TNS3: variants seen among roughly 807,000 people sequenced by gnomAD.
TNS3 encodes the protein tensin-3.
TNS3 carries 45 observed loss-of-function variants against 140.9 expected under a neutral mutation model. The ratio of observed to expected loss-of-function variants is 0.32; its 90% CI spans 0.25 to 0.41. The LOEUF (loss-of-function observed/expected upper bound fraction) is 0.41. TNS3 is among the 10% of genes least tolerant of loss of function. The probability of loss-of-function intolerance (pLI) is 1.00; values close to 1 mark genes in which losing one functional copy is unlikely to be tolerated. For missense variants in TNS3, 1,716 were observed against 1,906.7 expected, an observed-to-expected ratio of 0.90 and a Z score of 1.86; for synonymous variants, 815 against 788.4, an observed-to-expected ratio of 1.03 and a Z score of -0.56.
intron 20 of TNS3, among the ~76,000 whole-genome samples, chr7:47,336,224 T>C (rs1470178250): frequency 6.7e-6 from 1 of 149,990 alleles, no homozygotes; most frequent in Non-Finnish European, 1.5e-5. Context: ...GAATTTCTAC[T>C]GTTTGGTGTG....
intron 16 of TNS3, among the ~76,000 whole-genome samples, chr7:47,391,845 T>C (rs1054761691): frequency 2.0e-5 from 3 of 152,062 alleles, no homozygotes; most frequent in Admixed American, 2.0e-4. Context: ...GGGCACCCAG[T>C]GAGACTCAGC....
rs781485760 is a variant in TNS3 at position 47,303,425 on chromosome 7, C to T, written c.2982G>A (p.Gln994=). Reference sequence around the variant, plus strand: ...ACAGCTCATGGCTGTGGAAAGGAGCCTGGAGCTCTGACGGCGGGAAGCAGG... The same window carrying T: ...ACAGCTCATGGCTGTGGAAAGGAGCTTGGAGCTCTGACGGCGGGAAGCAGG... ...VLSCFPPSEL[Q]APFHSHELSL... is the part of the protein sequence containing the mutation. The change falls in exon 22 of 31, where the codon CAG becomes CAA. Residue 994 remains glutamine, a synonymous_variant. Transcript: ENST00000311160. 1.9e-5 allele frequency: 31 copies of T among 1,613,720 alleles called. 1 individual carries two copies. The Middle Eastern group carries it at 1.2e-3, about 60-fold the overall frequency.
chr7:47,539,125 G>A, intron 1 of TNS3: 1 of 456,688 alleles, frequency 2.2e-6, no homozygotes, highest in South Asian at 1.5e-5. Flanking sequence ...GCAATGAACA[G>A]ATAGCCCCCA....
intron 2 of TNS3, among the ~76,000 whole-genome samples, chr7:47,521,156 C>T (rs1215793018): frequency 6.6e-6 from 1 of 152,196 alleles, no homozygotes; most frequent in East Asian, 1.9e-4. Context: ...CAGAACACAG[C>T]AGTTCCTCCA....
chr7:47,437,984 G>GA (rs1795273420), intron 6 of TNS3, among the ~76,000 whole-genome samples: 1 of 150,902 alleles, frequency 6.6e-6, no homozygotes, highest in African/African-American at 2.4e-5. Context: ...TAAGTTCACT[G>GA]AAAAATCACA....
At chr7:47,516,052 A>G (rs1798768020) in intron 2 of TNS3, among the ~76,000 whole-genome samples, 1 of 152,248 alleles carries the variant, frequency 6.6e-6, no homozygotes. Context: ...ATGCATGATG[A>G]CTTACATAAT....
chr7:47,519,260 C>T (rs182548849), intron 2 of TNS3, among the ~76,000 whole-genome samples: 1 of 138,280 alleles, frequency 7.2e-6, no homozygotes, highest in Non-Finnish European at 1.6e-5. Flanking sequence ...ATATCCCCCC[C>T]CAACACAAGG....
intron 15 of TNS3, 79 bp from the exon 16 acceptor site, chr7:47,396,983 G>A (rs1792873943): frequency 4.8e-6 from 5 of 1,045,732 alleles, no homozygotes; most frequent in Non-Finnish European, 7.5e-6. Flanking sequence ...ATAAGGACAG[G>A]TGAGCAGCCT....
intron 1 of TNS3, among the ~76,000 whole-genome samples, chr7:47,540,982 G>A (rs558583147): frequency 2.5e-3 from 375 of 152,314 alleles, no homozygotes; most frequent in Non-Finnish European, 4.0e-3. Flanking sequence ...TGTTCATCCT[G>A]GAGGACCCCT....
intron 16 of TNS3, among the ~76,000 whole-genome samples, chr7:47,382,821 G>GA (rs1365440373): frequency 2.0e-5 from 3 of 152,146 alleles, no homozygotes; most frequent in Admixed American, 6.5e-5. Context: ...TGTGTTGGCT[G>GA]AAAAAAATCT....
At chr7:47,470,803 C>G in intron 4 of TNS3, 1 of 232,806 alleles carries the variant, frequency 4.3e-6, no homozygotes, top group Non-Finnish European at 7.0e-6. Flanking sequence ...ATGTTCCCTG[C>G]TGTTGACCGT....
At chr7:47,367,576 A>G (rs1185267684) in intron 17 of TNS3, among the ~76,000 whole-genome samples, 1 of 152,200 alleles carries the variant, frequency 6.6e-6, no homozygotes, top group African/African-American at 2.4e-5. Context: ...GGAAAAGGAC[A>G]TGTGCAGTCC....
intron 16 of TNS3, among the ~76,000 whole-genome samples, chr7:47,384,252 G>T (rs1791944267): frequency 6.6e-6 from 1 of 152,228 alleles, no homozygotes; most frequent in Admixed American, 6.5e-5. Flanking sequence ...CGTCCCAGGG[G>T]GTCTCTGGAG....
intron 16 of TNS3, among the ~76,000 whole-genome samples, chr7:47,390,720 A>G (rs1792462142): frequency 6.6e-6 from 1 of 152,166 alleles, no homozygotes. Flanking sequence ...CAACCCTCAG[A>G]CATTCTTGAA....
chr7:47,528,731 C>T (rs1799289030), intron 2 of TNS3, among the ~76,000 whole-genome samples: 1 of 152,174 alleles, frequency 6.6e-6, no homozygotes, highest in Admixed American at 6.5e-5. Context: ...GAAAGTCAAA[C>T]TAAACAACCT....
At chr7:47,374,509 G>A (rs950699434) in intron 16 of TNS3, among the ~76,000 whole-genome samples, 1 of 152,134 alleles carries the variant, frequency 6.6e-6, no homozygotes, top group Non-Finnish European at 1.5e-5. Context: ...AACACTTTCT[G>A]CCATTGCTAT....
chr7:47,501,502 G>A (rs368157907), intron 3 of TNS3, among the ~76,000 whole-genome samples: 20 of 152,166 alleles, frequency 1.3e-4, no homozygotes, highest in South Asian at 4.1e-4. Flanking sequence ...TGAGCAGAGC[G>A]GAGCTGGCTG....
intron 3 of TNS3, among the ~76,000 whole-genome samples, chr7:47,502,807 C>G (rs1218077668): frequency 2.6e-5 from 4 of 152,230 alleles, no homozygotes; most frequent in Non-Finnish European, 4.4e-5. Flanking sequence ...TGGGACCTCT[C>G]TCCTCTTGCT....
chr7:47,401,727 G>C (rs939282609), intron 13 of TNS3, among the ~76,000 whole-genome samples: 1 of 152,232 alleles, frequency 6.6e-6, no homozygotes, highest in Non-Finnish European at 1.5e-5. Context: ...TCTTGTGACC[G>C]TGCGCAGCAC....
Sources: allele counts gnomAD v4.1 joint callset (sites outside exome capture counted in the v4.1 genomes callset), GRCh38; gene constraint gnomAD v4.1.1; transcripts MANE v1.5; gene names NCBI Gene and HGNC (gene_info 2026-07-23, HGNC 2026-07-21).